The following PIK3R3 variants were observed in gnomAD, a reference collection of about 807,000 sequenced individuals.
The protein encoded by PIK3R3 is phosphatidylinositol 3-kinase regulatory subunit gamma.
Under a neutral mutation model 62.9 loss-of-function variants are expected in PIK3R3, and 64 were observed. That is an observed-to-expected ratio of 1.02 (90% CI 0.83 to 1.25). PIK3R3 has a LOEUF of 1.25. PIK3R3 is among the 50% of genes most tolerant of loss of function. The probability of loss-of-function intolerance (pLI) is 0.00; values close to 1 mark genes in which losing one functional copy is unlikely to be tolerated. For missense variants in PIK3R3, 614 were observed against 561.6 expected, an observed-to-expected ratio of 1.09 and a Z score of -0.94; for synonymous variants, 165 against 189.0, an observed-to-expected ratio of 0.87 and a Z score of 1.04.
chr1:46,055,513 T>C (rs765936298), intron 7 of PIK3R3, among the ~76,000 whole-genome samples: 1 of 152,222 alleles, frequency 6.6e-6, no homozygotes, highest in Non-Finnish European at 1.5e-5. Context: ...AATCTGTTCT[T>C]GTTAAGATAT....
At chr1:46,051,510 C>A (rs1647344730) in intron 7 of PIK3R3, among the ~76,000 whole-genome samples, 1 of 152,136 alleles carries the variant, frequency 6.6e-6, no homozygotes, top group Non-Finnish European at 1.5e-5. Flanking sequence ...ATCCACCTGC[C>A]TCAGCCTCCC....
chr1:46,160,096 G>A, the PIK3R3 span, among the ~76,000 whole-genome samples: 1 of 152,194 alleles, frequency 6.6e-6, no homozygotes, highest in African/African-American at 2.4e-5. Context: ...TGGTTCATCA[G>A]ATTAGGTTAT....
chr1:46,161,683 T>C, the PIK3R3 span, among the ~76,000 whole-genome samples: 1 of 151,562 alleles, frequency 6.6e-6, no homozygotes, highest in Non-Finnish European at 1.5e-5. Context: ...TATAATGTGC[T>C]ATGACTTCAC....
chr1:46,156,374 G>A, the PIK3R3 span, among the ~76,000 whole-genome samples: 26 of 149,832 alleles, frequency 1.7e-4, no homozygotes, highest in Admixed American at 1.2e-3. Context: ...CAGGAGAATC[G>A]TTTGAACCCT....
At chr1:46,150,105 A>G in the PIK3R3 span, among the ~76,000 whole-genome samples, 1 of 152,120 alleles carries the variant, frequency 6.6e-6, no homozygotes, top group East Asian at 1.9e-4. Context: ...CTGGATCAGA[A>G]CCCCTTTCTG....
At chr1:46,118,862 C>CT (rs995298588) in intron 1 of PIK3R3, among the ~76,000 whole-genome samples, 2 of 151,966 alleles carry the variant, frequency 1.3e-5, no homozygotes, top group African/African-American at 2.4e-5. Flanking sequence ...AGCCACTTGT[C>CT]TTTTTTTACT....
At chr1:46,141,729 C>T in the PIK3R3 span, among the ~76,000 whole-genome samples, 2 of 152,174 alleles carry the variant, frequency 1.3e-5, no homozygotes, top group Admixed American at 6.5e-5. Flanking sequence ...GAAACCTAAT[C>T]CCAACGTGAA....
chr1:46,143,166 T>C, the PIK3R3 span, among the ~76,000 whole-genome samples: 2 of 152,238 alleles, frequency 1.3e-5, no homozygotes, highest in Admixed American at 1.3e-4. Flanking sequence ...TTTTTCTCCT[T>C]CGCTTCTGCG....
At chr1:46,083,394 T>G (rs1470140370) in intron 1 of PIK3R3, among the ~76,000 whole-genome samples, 1 of 152,114 alleles carries the variant, frequency 6.6e-6, no homozygotes, top group South Asian at 2.1e-4. Context: ...AAAAATAGAT[T>G]AACTGCATCA....
the PIK3R3 span, among the ~76,000 whole-genome samples, chr1:46,165,750 C>A: frequency 1.2e-5 from 1 of 81,798 alleles, no homozygotes; most frequent in Non-Finnish European, 2.6e-5. Flanking sequence ...GCTGCTTTGT[C>A]CTTTTTTTTT....
intron 1 of PIK3R3, among the ~76,000 whole-genome samples, chr1:46,084,311 G>GA (rs1416081115): frequency 6.6e-6 from 1 of 152,152 alleles, no homozygotes; most frequent in Non-Finnish European, 1.5e-5. Flanking sequence ...TCAGGGTAAT[G>GA]AAAATATTCC....
chr1:46,162,091 C>CA, the PIK3R3 span, among the ~76,000 whole-genome samples: 478 of 57,648 alleles, frequency 8.3e-3, 1 homozygote, highest in African/African-American at 0.022. Context: ...GACTCCGTCT[C>CA]AAAAAAAAAA....
At chr1:46,075,859 G>A (rs1650022378) in intron 3 of PIK3R3, among the ~76,000 whole-genome samples, 1 of 152,164 alleles carries the variant, frequency 6.6e-6, no homozygotes, top group Non-Finnish European at 1.5e-5. Flanking sequence ...AACCCAGGAA[G>A]CCAATGGTAT....
intron 1 of PIK3R3, among the ~76,000 whole-genome samples, chr1:46,128,317 G>A (rs1043479380): frequency 6.6e-6 from 1 of 152,060 alleles, no homozygotes. Context: ...CGCCTGTGTA[G>A]TCCCAGCTAC....
the PIK3R3 span, among the ~76,000 whole-genome samples, chr1:46,163,534 G>A: frequency 3.3e-5 from 5 of 152,186 alleles, no homozygotes; most frequent in Admixed American, 1.3e-4. Flanking sequence ...CAGGAAACAA[G>A]TGATTGTCAA....
At chr1:46,097,368 A>C (rs1241944380) in intron 1 of PIK3R3, among the ~76,000 whole-genome samples, 1 of 151,886 alleles carries the variant, frequency 6.6e-6, no homozygotes, top group Non-Finnish European at 1.5e-5. Context: ...ACATTGTGAA[A>C]CCCTGCCTCC....
chr1:46,150,265 AG>A, the PIK3R3 span, among the ~76,000 whole-genome samples: 257 of 152,330 alleles, frequency 1.7e-3, 2 homozygotes, highest in Middle Eastern at 0.01. Context: ...CTCACTCCAT[AG>A]GAAGTGGCTA....
intron 1 of PIK3R3, among the ~76,000 whole-genome samples, chr1:46,100,642 C>A (rs982753701): frequency 1.3e-5 from 2 of 152,138 alleles, no homozygotes; most frequent in African/African-American, 4.8e-5. Context: ...ATATGAAATA[C>A]CCTGTCATTA....
chr1:46,107,829 G>A (rs574052551), intron 1 of PIK3R3, among the ~76,000 whole-genome samples: 1 of 152,246 alleles, frequency 6.6e-6, no homozygotes, highest in South Asian at 2.1e-4. Context: ...CTTTGAGTGT[G>A]CTTTTTTAAC....
Sources: allele counts gnomAD v4.1 joint callset (sites outside exome capture counted in the v4.1 genomes callset), GRCh38; gene constraint gnomAD v4.1.1; transcripts MANE v1.5; gene names NCBI Gene and HGNC (gene_info 2026-07-23, HGNC 2026-07-21).